RIT2: variants seen among roughly 807,000 people sequenced by gnomAD.
The protein encoded by RIT2 is GTP-binding protein Rit2.
A neutral mutation model predicts 23.7 loss-of-function variants in RIT2; 24 were observed. The observed-to-expected ratio is 1.01, with a 90% CI of 0.73 to 1.43. The LOEUF (loss-of-function observed/expected upper bound fraction) is 1.43, where lower values mean the gene tolerates loss of function less well. Ranked by LOEUF, RIT2 falls within the 40% of genes most tolerant of loss-of-function variation. The pLI, the probability that RIT2 is intolerant of heterozygous loss-of-function variation, is 0.00. For missense variants in RIT2, 236 were observed against 266.9 expected (o/e 0.88, Z 0.81); for synonymous variants, 107 against 91.1 (o/e 1.17, Z -0.99).
At chr18:42,855,157 T>C (rs1206716979) in intron 4 of RIT2, among the ~76,000 whole-genome samples, 1 of 152,194 alleles carries the variant, frequency 6.6e-6, no homozygotes, top group Non-Finnish European at 1.5e-5. Context: ...CTAAGACATA[T>C]CTCTATCAAA....
chr18:43,106,299 C>A (rs138858526), intron 1 of RIT2, among the ~76,000 whole-genome samples: 1 of 152,162 alleles, frequency 6.6e-6, no homozygotes, highest in Non-Finnish European at 1.5e-5. Context: ...CAAACACACA[C>A]TTTATTGCTC....
At chr18:42,818,181 A>G (rs950998610) in intron 4 of RIT2, among the ~76,000 whole-genome samples, 13 of 152,190 alleles carry the variant, frequency 8.5e-5, no homozygotes, top group South Asian at 6.2e-4. Flanking sequence ...TATGTTATAG[A>G]TATGAGTTAC....
chr18:42,993,799 G>A (rs771029048), intron 2 of RIT2, among the ~76,000 whole-genome samples: 1 of 151,810 alleles, frequency 6.6e-6, no homozygotes, highest in Non-Finnish European at 1.5e-5. Flanking sequence ...CTCCCTCCTT[G>A]GCGATCGATC....
chr18:42,750,153 AT>A (rs1244878456), intron 4 of RIT2, among the ~76,000 whole-genome samples: 1 of 151,838 alleles, frequency 6.6e-6, no homozygotes, highest in Non-Finnish European at 1.5e-5. Context: ...ATAGTTTTCT[AT>A]TTACAGAATA....
At chr18:43,114,310 C>T (rs527832978) in intron 1 of RIT2, among the ~76,000 whole-genome samples, 13 of 152,154 alleles carry the variant, frequency 8.5e-5, no homozygotes, top group African/African-American at 3.1e-4. Flanking sequence ...TTCTTACTAT[C>T]TTTAACTTTG....
intron 2 of RIT2, among the ~76,000 whole-genome samples, chr18:43,000,294 A>G (rs929227596): frequency 2.0e-5 from 3 of 152,072 alleles, no homozygotes; most frequent in African/African-American, 7.2e-5. Flanking sequence ...GCAGAAAAAT[A>G]CATGTTCATA....
At chr18:42,828,003 CAAAAAAAAA>C (rs200737336) in intron 4 of RIT2, among the ~76,000 whole-genome samples, 6 of 51,744 alleles carry the variant, frequency 1.2e-4, no homozygotes, top group Admixed American at 1.9e-4. Flanking sequence ...GACTCCGTCT[CAAAAAAAAA>C]AAAAAAAAAA....
chr18:42,812,209 T>G (rs1041677471), intron 4 of RIT2, among the ~76,000 whole-genome samples: 1 of 152,166 alleles, frequency 6.6e-6, no homozygotes, highest in Non-Finnish European at 1.5e-5. Flanking sequence ...CTCACTTTGG[T>G]CAATGACATG....
At chr18:43,091,147 A>G (rs1486132173) in intron 1 of RIT2, among the ~76,000 whole-genome samples, 1 of 151,778 alleles carries the variant, frequency 6.6e-6, no homozygotes, top group African/African-American at 2.4e-5. Flanking sequence ...TTCATTTACT[A>G]TTCATTTTAA....
chr18:42,792,141 C>G (rs1477728084), intron 4 of RIT2, among the ~76,000 whole-genome samples: 2 of 152,074 alleles, frequency 1.3e-5, no homozygotes, highest in African/African-American at 2.4e-5. Flanking sequence ...TATATTTAAC[C>G]TTGGTTCCAA....
At chr18:42,894,709 AT>A (rs1908276399) in intron 4 of RIT2, among the ~76,000 whole-genome samples, 1 of 152,226 alleles carries the variant, frequency 6.6e-6, no homozygotes, top group South Asian at 2.1e-4. Flanking sequence ...TACAGCTACA[AT>A]TAATTTATAA....
chr18:42,758,941 A>G (rs1473190553), intron 4 of RIT2, among the ~76,000 whole-genome samples: 1 of 152,040 alleles, frequency 6.6e-6, no homozygotes, highest in Non-Finnish European at 1.5e-5. Flanking sequence ...ATCAACTCCT[A>G]CAGTTCCCAA....
intron 1 of RIT2, among the ~76,000 whole-genome samples, chr18:43,098,037 T>C (rs1028987486): frequency 6.6e-6 from 1 of 151,890 alleles, no homozygotes; most frequent in African/African-American, 2.4e-5. Context: ...AAATTAAAAA[T>C]GATAGCACAT....
chr18:43,060,243 G>T (rs531011398), intron 1 of RIT2, among the ~76,000 whole-genome samples: 17 of 152,214 alleles, frequency 1.1e-4, no homozygotes, highest in African/African-American at 4.1e-4. Flanking sequence ...ACTCAAAATA[G>T]AATCAAGGTC....
intron 4 of RIT2, among the ~76,000 whole-genome samples, chr18:42,787,534 A>C (rs1453515278): frequency 6.6e-6 from 1 of 152,124 alleles, no homozygotes; most frequent in African/African-American, 2.4e-5. Context: ...TATGTTTTCC[A>C]AACATGAGTT....
intron 1 of RIT2, among the ~76,000 whole-genome samples, chr18:43,043,853 G>C (rs1308813044): frequency 6.6e-6 from 1 of 152,078 alleles, no homozygotes; most frequent in Non-Finnish European, 1.5e-5. Context: ...ATAAAAGAAA[G>C]CAGGGAGAGT....
chr18:43,059,899 T>C (rs1296384471), intron 1 of RIT2, among the ~76,000 whole-genome samples: 1 of 152,110 alleles, frequency 6.6e-6, no homozygotes, highest in African/African-American at 2.4e-5. Context: ...AAGGATGTCC[T>C]AGAGTGGGTC....
intron 1 of RIT2, among the ~76,000 whole-genome samples, chr18:43,065,381 C>T (rs931686146): frequency 2.0e-5 from 3 of 152,080 alleles, no homozygotes; most frequent in East Asian, 1.9e-4. Flanking sequence ...CAGGCCTGAA[C>T]CACCAACATC....
At chr18:42,809,299 A>T (rs2143973266) in intron 4 of RIT2, among the ~76,000 whole-genome samples, 1 of 152,250 alleles carries the variant, frequency 6.6e-6, no homozygotes, top group African/African-American at 2.4e-5. Flanking sequence ...CTAGAGAAAG[A>T]TTTAAATTCA....
Sources: gnomAD v4.1 joint callset for allele counts (sites outside exome capture counted in the v4.1 genomes callset) on GRCh38, gnomAD v4.1.1 for gene constraint, MANE v1.5 for transcripts, NCBI Gene and HGNC (gene_info 2026-07-23, HGNC 2026-07-21) for gene names.